Variants in HS1BP3 observed in about 807,000 individuals in gnomAD.
The protein encoded by HS1BP3 is HCLS1-binding protein 3.
Under a neutral mutation model 33.5 loss-of-function variants are expected in HS1BP3, and 32 were observed. That is an observed-to-expected ratio of 0.95 (90% CI 0.72 to 1.28). The LOEUF (loss-of-function observed/expected upper bound fraction) is 1.28. Ranked by LOEUF, HS1BP3 falls within the 50% of genes most tolerant of loss-of-function variation. The probability of loss-of-function intolerance (pLI) is 0.00; values close to 1 mark genes in which losing one functional copy is unlikely to be tolerated. For missense variants in HS1BP3, 486 were observed against 502.3 expected (o/e 0.97, Z 0.31); for synonymous variants, 187 against 209.2 (o/e 0.89, Z 0.92).
chr2:20,651,019 G>A lies in HS1BP3; in HGVS notation c.32+13C>T. The A allele has an allele frequency of 1.6e-6, 2 of 1,239,632 alleles. No homozygotes were observed. Among genetic ancestry groups the A allele is most frequent in the Non-Finnish European group, 1.0e-6 (1 of 992,608 alleles). 76.8% of individuals were successfully genotyped at this position (1,239,632 alleles called of 1,614,324 possible). A position where few individuals can be genotyped will look rare whatever the true frequency, so the allele number is the denominator to read the frequency against. ...GCGAGCTGTGCGGTGTGGGGCGCGGGGGTCTGGCTCACCTGGAGGTGACGA... is the reference window on the plus strand; with the variant it reads ...GCGAGCTGTGCGGTGTGGGGCGCGGAGGTCTGGCTCACCTGGAGGTGACGA... On this transcript the variant is annotated intron_variant, in intron 1 of 6. Transcript: ENST00000304031.
chr2:20,626,026 G>A (rs59944090), intron 4 of HS1BP3, among the ~76,000 whole-genome samples: 2,304 of 152,238 alleles, frequency 0.015, 41 homozygotes, highest in African/African-American at 0.045. Flanking sequence ...GTGCCTGTCC[G>A]CCTGGCGGGC....
intron 2 of HS1BP3, among the ~76,000 whole-genome samples, chr2:20,603,486 A>G (rs1694111287): frequency 6.6e-6 from 1 of 152,250 alleles, no homozygotes; most frequent in African/African-American, 2.4e-5. Context: ...CAGAATTACC[A>G]AAAATCCACA....
chr2:20,635,556 A>C (rs932256320), intron 4 of HS1BP3: 2 of 152,208 alleles, frequency 1.3e-5, no homozygotes, highest in African/African-American at 4.8e-5. Context: ...GGTTTCCCGC[A>C]GAGGATTTCC....
At chr2:20,562,968 G>A (rs1693037845) in intron 5 of HS1BP3, among the ~76,000 whole-genome samples, 1 of 152,186 alleles carries the variant, frequency 6.6e-6, no homozygotes, top group African/African-American at 2.4e-5. Context: ...CGCGACACCA[G>A]TACCTGGGAA....
At chr2:20,559,045 T>C (rs1330351573), downstream of HS1BP3, among the ~76,000 whole-genome samples, 1 of 151,982 alleles carries the variant, frequency 6.6e-6, no homozygotes, top group African/African-American at 2.4e-5. Context: ...GTGAGGAGCG[T>C]GAATGCAGGA....
chr2:20,562,680 T>C (rs1245053737), intron 5 of HS1BP3, among the ~76,000 whole-genome samples: 1 of 152,028 alleles, frequency 6.6e-6, no homozygotes, highest in Non-Finnish European at 1.5e-5. Flanking sequence ...GGGGGCAGTG[T>C]TGTGGGACTG....
intron 5 of HS1BP3, among the ~76,000 whole-genome samples, chr2:20,562,807 A>G (rs113692804): frequency 2.1e-4 from 32 of 152,288 alleles, no homozygotes; most frequent in African/African-American, 7.2e-4. Flanking sequence ...TGGCGGGAAA[A>G]CAACTCGCAC....
chr2:20,647,156 C>A (rs1695544380), intron 1 of HS1BP3, among the ~76,000 whole-genome samples: 1 of 152,128 alleles, frequency 6.6e-6, no homozygotes, highest in Non-Finnish European at 1.5e-5. Context: ...CAGATGGGCA[C>A]CTCCCACGAT....
chr2:20,610,200 A>G (rs1694290787), intron 2 of HS1BP3, among the ~76,000 whole-genome samples: 1 of 152,210 alleles, frequency 6.6e-6, no homozygotes, highest in Non-Finnish European at 1.5e-5. Context: ...GTGAACCTAC[A>G]TGGACACATG....
chr2:20,588,228 G>A (rs1693728458), downstream of HS1BP3, among the ~76,000 whole-genome samples: 1 of 152,032 alleles, frequency 6.6e-6, no homozygotes, highest in African/African-American at 2.4e-5. Context: ...TCTATATCAA[G>A]CATGTATTAC....
Position 20,618,892 on chromosome 2 carries a change from G to C in HS1BP3, c.*95C>G. On this transcript the variant is annotated 3_prime_UTR_variant, in exon 7 of 7. Coordinates refer to ENST00000304031, the MANE Select transcript of HS1BP3 (RefSeq NM_022460.4). ...GGCTTCTGCCTGGCCTCCCCTGGGGGTGGGGAGGTTCTGACCCTGCAGGGC... is the reference window on the plus strand; with the variant it reads ...GGCTTCTGCCTGGCCTCCCCTGGGGCTGGGGAGGTTCTGACCCTGCAGGGC... 2 of 1,476,856 alleles carry C rather than the reference G, an allele frequency of 1.4e-6. No homozygotes were observed. The highest frequency in any genetic ancestry group is 1.8e-6 in the Non-Finnish European group (2 of 1,116,266). 91.5% of individuals were successfully genotyped at this position (1,476,856 alleles called of 1,614,324 possible).
At chr2:20,587,831 G>A (rs1446341860), downstream of HS1BP3, among the ~76,000 whole-genome samples, 2 of 152,220 alleles carry the variant, frequency 1.3e-5, no homozygotes, top group Non-Finnish European at 2.9e-5. Flanking sequence ...GAGCTGTGGG[G>A]AGCCTGACCA....
At chr2:20,627,290 G>T (rs1694816391) in intron 4 of HS1BP3, among the ~76,000 whole-genome samples, 1 of 152,184 alleles carries the variant, frequency 6.6e-6, no homozygotes, top group Non-Finnish European at 1.5e-5. Flanking sequence ...CACACTGTCT[G>T]CTCAGAAACA....
At chr2:20,605,566 C>T (rs553173010) in intron 2 of HS1BP3, among the ~76,000 whole-genome samples, 3 of 152,280 alleles carry the variant, frequency 2.0e-5, no homozygotes, top group East Asian at 3.9e-4. Context: ...CATCACCCCC[C>T]AAAGGAAAAC....
At chr2:20,607,523 G>T (rs1041301884) in intron 2 of HS1BP3, among the ~76,000 whole-genome samples, 3 of 152,192 alleles carry the variant, frequency 2.0e-5, no homozygotes, top group Admixed American at 6.5e-5. Flanking sequence ...ATTCTGCATG[G>T]AATGGTCTTG....
chr2:20,602,209 G>A (rs1286494617), intron 2 of HS1BP3, among the ~76,000 whole-genome samples: 2 of 151,422 alleles, frequency 1.3e-5, no homozygotes, highest in East Asian at 3.9e-4. Flanking sequence ...TTTAGGAGGA[G>A]CCATGCGGGG....
intron 1 of HS1BP3, among the ~76,000 whole-genome samples, chr2:20,646,234 T>C (rs1175409295): frequency 6.6e-6 from 1 of 152,222 alleles, no homozygotes; most frequent in South Asian, 2.1e-4. Context: ...CACAGACCTG[T>C]GCAGACTAAC....
At chr2:20,624,061 AGGAAGCCTCTAGGCTG>A (rs1462039706) in intron 5 of HS1BP3, 30 bp from the exon 6 acceptor site, 1 of 1,606,952 alleles carries the variant, frequency 6.2e-7, no homozygotes, top group Non-Finnish European at 8.5e-7. Flanking sequence ...GGGGGGTCAG[AGGAAGCCTCTAGGCTG>A]GGATGCCATG....
intron 5 of HS1BP3, among the ~76,000 whole-genome samples, chr2:20,585,464 A>C (rs2149277188): frequency 6.6e-6 from 1 of 152,352 alleles, no homozygotes; most frequent in East Asian, 1.9e-4. Flanking sequence ...CAAGAAGAGC[A>C]CTGCTAATAG....
Sources: allele counts gnomAD v4.1 joint callset (sites outside exome capture counted in the v4.1 genomes callset), GRCh38; gene constraint gnomAD v4.1.1; transcripts MANE v1.5; gene names NCBI Gene and HGNC (gene_info 2026-07-23, HGNC 2026-07-21).